The following TXNL1 variants were observed in gnomAD, a reference collection of about 807,000 sequenced individuals.
TXNL1 encodes thioredoxin-like protein 1.
Under a neutral mutation model 35.5 loss-of-function variants are expected in TXNL1, and 14 were observed. That is an observed-to-expected ratio of 0.39 (90% CI 0.26 to 0.62). TXNL1 has a LOEUF of 0.62. Ranked by LOEUF, TXNL1 falls within the 20% of genes least tolerant of loss-of-function variation. The pLI, the probability that TXNL1 is intolerant of heterozygous loss-of-function variation, is 0.47. For synonymous variants in TXNL1, 110 were observed against 115.5 expected (o/e 0.95, Z 0.31); for missense variants, 263 against 349.7 (o/e 0.75, Z 1.98).
chr18:56,609,302 C>T (rs893738471), intron 7 of TXNL1: 5 of 152,096 alleles, frequency 3.3e-5, no homozygotes, highest in African/African-American at 1.2e-4. Flanking sequence ...CAAAAAAGGT[C>T]TTACACCTTT....
In TXNL1 at chr18:56,603,072, T is replaced by G. The variant is rs754346532; in HGVS notation, c.841-16A>C. ...TGCCAACTACCTAGAAAAACAAAAA[T>G]AAGTTTATATGTACATCCTATTGAT... On this transcript the variant is annotated splice_polypyrimidine_tract_variant and intron_variant, in intron 7 of 7. Transcript: ENST00000217515. 6.2e-7 allele frequency: 1 copy of G among 1,605,580 alleles called. No homozygotes were observed. Among genetic ancestry groups the G allele is most frequent in the South Asian group, 1.1e-5 (1 of 90,912 alleles).
rs544374598 is a variant in TXNL1 at position 56,598,787 on chromosome 18, G to C, written c.*4240C>G. 1 of 152,320 alleles carries C rather than the reference G, an allele frequency of 6.6e-6. No homozygotes were observed. Among genetic ancestry groups the C allele is most frequent in the African/African-American group, 2.4e-5 (1 of 41,576 alleles). 9.4% of individuals were successfully genotyped at this position (152,320 alleles called of 1,614,324 possible). Reference sequence around the variant, plus strand: ...GCGCATCTTCAGAACAAGTCTAAGAGATAGATGTTCCTATTTTTACACAAG... The same window carrying C: ...GCGCATCTTCAGAACAAGTCTAAGACATAGATGTTCCTATTTTTACACAAG... On this transcript the variant is annotated 3_prime_UTR_variant, in exon 8 of 8. Coordinates refer to ENST00000217515, the MANE Select transcript of TXNL1 (RefSeq NM_004786.3).
At chr18:56,621,978 G>A (rs1022670632) in intron 3 of TXNL1, among the ~76,000 whole-genome samples, 3 of 133,872 alleles carry the variant, frequency 2.2e-5, no homozygotes, top group Non-Finnish European at 3.1e-5. Flanking sequence ...GCCACTTCAC[G>A]CCAGCCTAGA....
chr18:56,638,280 A>G (rs1027131880), intron 1 of TXNL1, 63 bp downstream of exon 1: 2 of 1,501,196 alleles, frequency 1.3e-6, no homozygotes, highest in African/African-American at 1.4e-5. Flanking sequence ...CAGGGCCAAC[A>G]AAGAGTGAAA....
rs368721161 is a variant in TXNL1 at position 56,614,603 on chromosome 18, A to G, written c.563-7T>C. 17 of 1,600,282 alleles carry G rather than the reference A, an allele frequency of 1.1e-5. No individual in the cohort carries two copies. The highest frequency in any genetic ancestry group is 1.4e-5 in the Non-Finnish European group (16 of 1,175,708). ...ACATATTTAGGGCCCTGACCTATACAATGGTAGAATAAAATAAAATGTTTA... is the reference window on the plus strand; with the variant it reads ...ACATATTTAGGGCCCTGACCTATACGATGGTAGAATAAAATAAAATGTTTA... On this transcript the variant is annotated splice_region_variant and splice_polypyrimidine_tract_variant and intron_variant, in intron 5 of 7. Transcript: ENST00000217515.
chr18:56,603,466 G>A (rs1319295122), intron 7 of TXNL1, among the ~76,000 whole-genome samples: 1 of 152,044 alleles, frequency 6.6e-6, no homozygotes, highest in Non-Finnish European at 1.5e-5. Context: ...TGTCCTTCAT[G>A]CCCAATATAG....
chr18:56,631,553 G>A (rs926583598), intron 1 of TXNL1, among the ~76,000 whole-genome samples: 1 of 152,160 alleles, frequency 6.6e-6, no homozygotes, highest in Non-Finnish European at 1.5e-5. Context: ...AAATGTGTAT[G>A]TTAGAAGGAT....
chr18:56,615,337 A>G (rs1448896305), intron 5 of TXNL1, among the ~76,000 whole-genome samples: 1 of 151,570 alleles, frequency 6.6e-6, no homozygotes, highest in East Asian at 1.9e-4. Context: ...AGCAGAACAA[A>G]TAAGAAAATG....
At chr18:56,628,441 C>A (rs755900543) in intron 1 of TXNL1, among the ~76,000 whole-genome samples, 22 of 152,040 alleles carry the variant, frequency 1.4e-4, no homozygotes, top group Non-Finnish European at 3.1e-4. Flanking sequence ...AAATTCTTAT[C>A]AACAAAAGAA....
intron 1 of TXNL1, among the ~76,000 whole-genome samples, chr18:56,627,956 A>G (rs35351836): frequency 0.61 from 92,874 of 151,824 alleles, 33,105 homozygotes; most frequent in Non-Finnish European, 0.78. Flanking sequence ...ACTAGGAAAA[A>G]GTATTTGCAA....
chr18:56,620,701 CCTCT>C (rs1323689483), intron 3 of TXNL1, among the ~76,000 whole-genome samples: 1 of 152,130 alleles, frequency 6.6e-6, no homozygotes, highest in Non-Finnish European at 1.5e-5. Context: ...CACATGTTCA[CCTCT>C]CTATCTCAAA....
chr18:56,624,527 A>G (rs1345624428), intron 2 of TXNL1, 66 bp from the exon 3 acceptor site: 3 of 1,488,160 alleles, frequency 2.0e-6, no homozygotes, highest in Non-Finnish European at 2.7e-6. Context: ...TTCATTCTAC[A>G]CCTTTATGGA....
At chr18:56,604,901 TAA>T (rs1346328631) in intron 7 of TXNL1, among the ~76,000 whole-genome samples, 1 of 152,112 alleles carries the variant, frequency 6.6e-6, no homozygotes, top group Non-Finnish European at 1.5e-5. Context: ...TCCTAGGAAA[TAA>T]AATTTAAAGT....
chr18:56,627,618 T>C (rs2024306863), intron 1 of TXNL1, among the ~76,000 whole-genome samples: 1 of 152,160 alleles, frequency 6.6e-6, no homozygotes, highest in Non-Finnish European at 1.5e-5. Context: ...TCTGAAAAAC[T>C]TGATGTAGCA....
At chr18:56,626,526 C>T (rs186377998) in intron 1 of TXNL1, 69 bp from the exon 2 acceptor site, 2 of 1,338,562 alleles carry the variant, frequency 1.5e-6, no homozygotes, top group Admixed American at 2.1e-5. Flanking sequence ...GTCAATTAAA[C>T]ATAAAATAGA....
At chr18:56,626,020 CT>C (rs2024272484) in intron 2 of TXNL1, 1 of 210,476 alleles carries the variant, frequency 4.8e-6, no homozygotes, top group Admixed American at 6.0e-5. Context: ...CTCCTTGCCA[CT>C]GCTATATAAT....
chr18:56,635,681 T>A (rs2024444428), intron 1 of TXNL1, among the ~76,000 whole-genome samples: 1 of 152,166 alleles, frequency 6.6e-6, no homozygotes, highest in African/African-American at 2.4e-5. Flanking sequence ...AGTTATCCTT[T>A]AATGGATATA....
At chr18:56,620,611 G>A (rs1034145703) in intron 3 of TXNL1, among the ~76,000 whole-genome samples, 1 of 152,174 alleles carries the variant, frequency 6.6e-6, no homozygotes, top group African/African-American at 2.4e-5. Flanking sequence ...TTTGGTAAAA[G>A]TGTATTTTTC....
rs2023758181 is a variant in TXNL1, at chr18:56,597,397, T to C, written c.*5630A>G. The C allele has an allele frequency of 6.6e-6, 1 of 152,210 alleles. No individual in the cohort carries two copies. The highest frequency in any genetic ancestry group is 1.5e-5 in the Non-Finnish European group (1 of 68,026). The allele number at this position is 152,210 out of a possible 1,614,324, so 9.4% of individuals were successfully genotyped here. A position where few individuals can be genotyped will look rare whatever the true frequency, so the allele number is the denominator to read the frequency against. ...TATCTGCTGATGCTTCAACTGAAAGTTTATTAATATGATCAATGATTCCTA... is the reference window on the plus strand; with the variant it reads ...TATCTGCTGATGCTTCAACTGAAAGCTTATTAATATGATCAATGATTCCTA... On this transcript the variant is annotated 3_prime_UTR_variant, in exon 8 of 8. Coordinates refer to ENST00000217515, the MANE Select transcript of TXNL1 (RefSeq NM_004786.3).
Sources: gnomAD v4.1 joint callset for allele counts (sites outside exome capture counted in the v4.1 genomes callset) on GRCh38, gnomAD v4.1.1 for gene constraint, MANE v1.5 for transcripts, NCBI Gene and HGNC (gene_info 2026-07-23, HGNC 2026-07-21) for gene names.